The following CAPZB variants were observed in gnomAD, a reference collection of about 807,000 sequenced individuals.
CAPZB encodes the protein F-actin-capping protein subunit beta.
In CAPZB, 2 loss-of-function variants were observed where a neutral mutation model predicts 38.1. That is an observed-to-expected ratio of 0.05 (90% CI 0.02 to 0.17). The LOEUF is 0.17. Ranked by LOEUF, CAPZB falls within the 10% of genes least tolerant of loss-of-function variation. CAPZB has a pLI of 1.00. For synonymous variants in CAPZB, 107 were observed against 127.4 expected (o/e 0.84, Z 1.08); for missense variants, 161 against 334.2 (o/e 0.48, Z 4.04).
rs541763531 is a variant in CAPZB at position 19,348,762 on chromosome 1, G to C, written c.589-3510C>G. Among the ~76,000 whole-genome samples, 176 of 131,964 alleles carry C rather than the reference G, an allele frequency of 1.3e-3. 2 individuals carry two copies. The highest frequency in any genetic ancestry group is 4.8e-3 in the African/African-American group (167 of 34,650). 86.6% of individuals were successfully genotyped at this position (131,964 alleles called of 152,430 possible). A position where few individuals can be genotyped will look rare whatever the true frequency, so the allele number is the denominator to read the frequency against. Reference sequence around the variant, plus strand: ...AGAAAACGGGTGGCATCTGACAAGGGGGGGGGGCGGTCTAGGTGAGGGCAA... The same window carrying C: ...AGAAAACGGGTGGCATCTGACAAGGCGGGGGGGCGGTCTAGGTGAGGGCAA... On this transcript the variant is annotated intron_variant, in intron 6 of 8. Transcript: ENST00000264202.
At position 19,479,159 on chromosome 1, in the gene CAPZB, G is replaced by A. The variant is rs371228205; in HGVS notation, c.3+6277C>T. Among the ~76,000 whole-genome samples, 5 of 152,286 alleles carry A rather than the reference G, an allele frequency of 3.3e-5. No individual in the cohort carries two copies. In the South Asian group the frequency reaches 6.2e-4, roughly 19 times the overall value. On this transcript the variant is annotated intron_variant, in intron 1 of 8. Coordinates refer to ENST00000264202, the MANE Select transcript of CAPZB (RefSeq NM_004930.5). ...TAGGAGACGGAGGTTGCAGGGAGTC[G>A]AGATCGTGCCACTGTACTCCAGCCT... is the stretch of plus-strand genomic sequence containing the variant.
chr1:19,435,656 A>C (rs2094455857), intron 1 of CAPZB, among the ~76,000 whole-genome samples: 1 of 152,204 alleles, frequency 6.6e-6, no homozygotes, highest in Non-Finnish European at 1.5e-5. Flanking sequence ...TGAACCAAGG[A>C]GTTAAGTGCC....
At chr1:19,439,381 T>C (rs1396619641) in intron 1 of CAPZB, among the ~76,000 whole-genome samples, 1 of 152,252 alleles carries the variant, frequency 6.6e-6, no homozygotes, top group East Asian at 1.9e-4. Context: ...AGTAAAGTAT[T>C]TGAATTAAAG....
intron 2 of CAPZB, among the ~76,000 whole-genome samples, chr1:19,397,184 G>A (rs1407390308): frequency 6.6e-6 from 1 of 152,182 alleles, no homozygotes. Flanking sequence ...ATTATTCAAG[G>A]GCCTGCTGTA....
chr1:19,348,951 A>G (rs2093977297), intron 6 of CAPZB, among the ~76,000 whole-genome samples: 1 of 152,142 alleles, frequency 6.6e-6, no homozygotes, highest in Non-Finnish European at 1.5e-5. Flanking sequence ...TGCTCTGGCA[A>G]GTCATCCTGA....
intron 1 of CAPZB, among the ~76,000 whole-genome samples, chr1:19,421,675 C>T (rs1016123758): frequency 1.3e-5 from 2 of 152,216 alleles, no homozygotes; most frequent in Non-Finnish European, 2.9e-5. Context: ...CACAGATAAG[C>T]TGATTCGACT....
chr1:19,454,847 C>A lies in CAPZB; in HGVS notation c.3+30589G>T, dbSNP rs139179502. On this transcript the variant is annotated intron_variant, in intron 1 of 8. Coordinates refer to ENST00000264202, the MANE Select transcript of CAPZB (RefSeq NM_004930.5). ...CACATCAGAAAATTACTGTTCCGTT[C>A]ATCTAAATGATGTTTAAAATGCCCA... 5.4e-3 allele frequency among the ~76,000 whole-genome samples: 825 copies of A among 152,364 alleles called. 2 individuals carry two copies. The highest frequency in any genetic ancestry group is 0.051 in the Middle Eastern group (15 of 294).
intron 8 of CAPZB, chr1:19,342,973 G>C (rs1026216420): frequency 4.1e-6 from 3 of 737,444 alleles, no homozygotes; most frequent in East Asian, 5.2e-5. Context: ...CCACGAGGCG[G>C]AAGGGGGGAT....
chr1:19,450,142 TC>T (rs71577899), intron 1 of CAPZB, among the ~76,000 whole-genome samples: 12,007 of 53,532 alleles, frequency 0.22, 1,163 homozygotes, highest in South Asian at 0.33. Flanking sequence ...AGACCCTGTC[TC>T]CAAAAAAAAA....
At chr1:19,401,424 G>A (rs183314202) in intron 2 of CAPZB, among the ~76,000 whole-genome samples, 5 of 152,266 alleles carry the variant, frequency 3.3e-5, no homozygotes, top group African/African-American at 2.4e-5. Context: ...CTTGGTCTCC[G>A]GAATGGAAAG....
In CAPZB at chr1:19,386,246, C is replaced by G. The variant is rs191124114; in HGVS notation, c.94-620G>C. The stretch of plus-strand genomic sequence containing the variant: ...GCCGCCTCACCAAGAAAGATGACCC[C>G]GCGGTCGGGGGCTGGCAGGACTCAA... On this transcript the variant is annotated intron_variant, in intron 2 of 8. Coordinates refer to ENST00000264202, the MANE Select transcript of CAPZB (RefSeq NM_004930.5). Among the ~76,000 whole-genome samples the G allele has an allele frequency of 8.1e-3, 1,238 of 152,304 alleles. 17 individuals are homozygous for G. The highest frequency in any genetic ancestry group is 0.027 in the African/African-American group (1,125 of 41,566).
At chr1:19,341,345 C>G (rs1348920561) in intron 8 of CAPZB, among the ~76,000 whole-genome samples, 3 of 152,116 alleles carry the variant, frequency 2.0e-5, no homozygotes, top group Non-Finnish European at 2.9e-5. Flanking sequence ...ATGCGGCGGG[C>G]AAAGCAGCAG....
At chr1:19,464,011 C>G (rs2094560766) in intron 1 of CAPZB, among the ~76,000 whole-genome samples, 1 of 97,946 alleles carries the variant, frequency 1.0e-5, no homozygotes, top group Admixed American at 1.2e-4. Context: ...CCTATCTCTA[C>G]TAAAAATACA....
At position 19,443,289 on chromosome 1, in the gene CAPZB, G is replaced by A. The variant is rs575752854; in HGVS notation, c.4-23539C>T. Among the ~76,000 whole-genome samples the A allele has an allele frequency of 9.9e-5, 15 of 151,978 alleles. No homozygotes were observed. In the East Asian group the frequency reaches 1.2e-3, roughly 12 times the overall value. ...CGCGTGCCTGTAGTCCCAGCTACTC[G>A]GGAGGCTGAGGCAGAAGGATCACCT... On this transcript the variant is annotated intron_variant, in intron 1 of 8. Coordinates refer to ENST00000264202, the MANE Select transcript of CAPZB (RefSeq NM_004930.5).
At chr1:19,457,115 C>CG (rs1240766233) in intron 1 of CAPZB, among the ~76,000 whole-genome samples, 2 of 152,124 alleles carry the variant, frequency 1.3e-5, no homozygotes, top group African/African-American at 4.8e-5. Context: ...TAAAGCACAG[C>CG]GGGAAAAGCG....
chr1:19,386,472 G>T (rs111877474), intron 2 of CAPZB, among the ~76,000 whole-genome samples: 7 of 152,174 alleles, frequency 4.6e-5, no homozygotes, highest in Non-Finnish European at 8.8e-5. Flanking sequence ...CATGGGCCTG[G>T]GTTTATGGGG....
At chr1:19,346,692 C>A (rs61766682) in intron 6 of CAPZB, among the ~76,000 whole-genome samples, 41 of 150,188 alleles carry the variant, frequency 2.7e-4, no homozygotes, top group African/African-American at 9.0e-4. Context: ...TGGTTAAGAG[C>A]GGGGTGAGCA....
intron 2 of CAPZB, among the ~76,000 whole-genome samples, chr1:19,411,557 C>A (rs1263890533): frequency 6.6e-6 from 1 of 152,216 alleles, no homozygotes. Flanking sequence ...AAAATAAAGC[C>A]AATGGCCCTA....
At chr1:19,346,980 C>A (rs557291974) in intron 6 of CAPZB, among the ~76,000 whole-genome samples, 1 of 151,612 alleles carries the variant, frequency 6.6e-6, no homozygotes, top group African/African-American at 2.4e-5. Context: ...CCCACCACCA[C>A]GTCCGGCTTT....
Sources: allele counts gnomAD v4.1 joint callset (sites outside exome capture counted in the v4.1 genomes callset), GRCh38; gene constraint gnomAD v4.1.1; transcripts MANE v1.5; gene names NCBI Gene and HGNC (gene_info 2026-07-23, HGNC 2026-07-21).